Variants in ZFYVE28 observed in about 807,000 individuals in gnomAD.
ZFYVE28 encodes lateral signaling target protein 2 homolog.
ZFYVE28 carries 40 observed loss-of-function variants against 82.1 expected under a neutral mutation model. The ratio of observed to expected loss-of-function variants is 0.49; its 90% CI spans 0.38 to 0.63. The LOEUF (loss-of-function observed/expected upper bound fraction) is 0.63, where lower values mean the gene tolerates loss of function less well. ZFYVE28 is among the 30% of genes least tolerant of loss of function. ZFYVE28 has a pLI of 0.00. For missense variants in ZFYVE28, 1,321 were observed against 1,242.1 expected (o/e 1.06, Z -0.96); for synonymous variants, 612 against 546.1 (o/e 1.12, Z -1.68).
intron 1 of ZFYVE28, among the ~76,000 whole-genome samples, chr4:2,369,272 C>T (rs113933926): frequency 5.8e-4 from 89 of 152,326 alleles, no homozygotes; most frequent in African/African-American, 1.9e-3. Context: ...CAGGCTGTTC[C>T]ATCTGGTGAG....
chr4:2,415,463 C>T (rs1560365891), intron 1 of ZFYVE28, among the ~76,000 whole-genome samples: 1 of 151,804 alleles, frequency 6.6e-6, no homozygotes, highest in Non-Finnish European at 1.5e-5. Context: ...CACACACACA[C>T]ACACACACAC....
Position 2,335,915 on chromosome 4 carries a change from T to C in ZFYVE28, c.612-121A>G, listed in dbSNP as rs1721616498. On this transcript the variant is annotated intron_variant, in intron 5 of 12. Transcript: ENST00000290974. This position sits in a 1 kb window ranked among gnomAD's most constrained non-coding sequence, Gnocchi z 5.8. ...CCTGCAGCCACGCGTGGTGGCCACG[T>C]CAAGAGGTGACACATGCCACCCCCA... 3.9e-6 allele frequency: 3 copies of C among 770,548 alleles called. No individual in the cohort carries two copies. Among genetic ancestry groups the C allele is most frequent in the Non-Finnish European group, 6.6e-6 (3 of 457,568 alleles). 47.7% of individuals were successfully genotyped at this position (770,548 alleles called of 1,614,324 possible).
In ZFYVE28 at chr4:2,339,412, C is replaced by G. The variant is rs759985841; in HGVS notation, c.521+41G>C. ...CCCGGAAGCTGGCACAACCGTCCCC[C>G]AGCTCATACAGCCAGGGCTGTGGAC... is the stretch of plus-strand genomic sequence containing the variant. On this transcript the variant is annotated intron_variant, in intron 4 of 12. Coordinates refer to ENST00000290974, the MANE Select transcript of ZFYVE28 (RefSeq NM_020972.3). This position sits in a 1 kb window ranked among gnomAD's most constrained non-coding sequence, Gnocchi z 5.0. The G allele has an allele frequency of 1.1e-5, 17 of 1,595,300 alleles. No individual in the cohort carries two copies. The African/African-American group carries it at 1.7e-4, about 16-fold the overall frequency.
rs572886988 is a variant in ZFYVE28 at position 2,372,275 on chromosome 4, G to C, written c.40-18202C>G. On this transcript the variant is annotated intron_variant, in intron 1 of 12. Coordinates refer to ENST00000290974, the MANE Select transcript of ZFYVE28 (RefSeq NM_020972.3). This position sits in a 1 kb window ranked among gnomAD's most constrained non-coding sequence, Gnocchi z 5.2. ...GAGTCTGGTTCCGAGAAGGACTCGT[G>C]AGGGGGTAGGAATGGTCCCACCACC... Among the ~76,000 whole-genome samples, 141 of 152,264 alleles carry C rather than the reference G, an allele frequency of 9.3e-4. 1 individual carries two copies. The highest frequency in any genetic ancestry group is 9.1e-3 in the Admixed American group (140 of 15,306).
intron 1 of ZFYVE28, chr4:2,406,787 T>C (rs1731971437): frequency 6.6e-6 from 1 of 152,278 alleles, no homozygotes; most frequent in East Asian, 1.9e-4. Flanking sequence ...TTTTGCTTTT[T>C]GTTTGTTGTG....
At chr4:2,358,202 G>A (rs148647810) in intron 1 of ZFYVE28, among the ~76,000 whole-genome samples, 9 of 152,316 alleles carry the variant, frequency 5.9e-5, no homozygotes, top group East Asian at 3.9e-4. Context: ...GGCTGTGTGC[G>A]TGTGAATCTG....
At chr4:2,393,402 CTA>C (rs934418103) in intron 1 of ZFYVE28, among the ~76,000 whole-genome samples, 28 of 152,186 alleles carry the variant, frequency 1.8e-4, no homozygotes, top group Non-Finnish European at 3.1e-4. Context: ...TAATTCCCAA[CTA>C]TGCAAAAAAG....
At chr4:2,293,771 A>AAAAC (rs1714116549) in intron 8 of ZFYVE28, among the ~76,000 whole-genome samples, 1 of 149,858 alleles carries the variant, frequency 6.7e-6, no homozygotes, top group Non-Finnish European at 1.5e-5. Context: ...AAAAAAAAAA[A>AAAAC]TCTTCTAGAA....
At chr4:2,318,542 G>A (rs2108836029) in intron 7 of ZFYVE28, among the ~76,000 whole-genome samples, 1 of 152,374 alleles carries the variant, frequency 6.6e-6, no homozygotes, top group African/African-American at 2.4e-5. Flanking sequence ...TAACGGATAA[G>A]TCCTCAAACC....
At chr4:2,391,455 C>CTTTTTTTTTTTTTTTTTTTTT (rs140103966) in intron 1 of ZFYVE28, among the ~76,000 whole-genome samples, 1 of 117,224 alleles carries the variant, frequency 8.5e-6, no homozygotes. Flanking sequence ...GGTCAATTAT[C>CTTTTTTTTTTTTTTTTTTTTT]TTTTTTTTTT....
Position 2,341,627 on chromosome 4 carries a change from G to A in ZFYVE28, c.181-12C>T. On this transcript the variant is annotated splice_polypyrimidine_tract_variant and intron_variant, in intron 2 of 12. Transcript: ENST00000290974. The surrounding 1 kb of genome is among the most constrained non-coding windows in gnomAD (Gnocchi z 4.5). The stretch of plus-strand genomic sequence containing the variant: ...TTCAACACATTGTCCTGAAACAGAA[G>A]ACAGGAGAAAGTGCGCCAATCGCTG... 1 of 1,598,052 alleles carries A rather than the reference G, an allele frequency of 6.3e-7. No individual in the cohort carries two copies. Among genetic ancestry groups the A allele is most frequent in the Non-Finnish European group, 8.6e-7 (1 of 1,166,852 alleles).
chr4:2,305,229 G>C lies in ZFYVE28; in HGVS notation c.1111C>G (p.His371Asp). The C allele has an allele frequency of 6.2e-7, 1 of 1,610,778 alleles. No individual in the cohort carries two copies. Residue 371 changes from histidine to aspartate, a missense_variant, in exon 8 of 13, where the codon CAC (histidine) becomes GAC (aspartate). Coordinates refer to ENST00000290974, the MANE Select transcript of ZFYVE28 (RefSeq NM_020972.3). ...SPPIACQSPA[H>D]RPGAEGSPGG... ...GGGCTGCCCTCCGCTCCTGGCCTGT[G>C]AGCTGGGGACTGGCAGGCAATGGGC...
chr4:2,306,839 C>T (rs533828597), intron 7 of ZFYVE28: 3 of 152,314 alleles, frequency 2.0e-5, no homozygotes, highest in Admixed American at 6.5e-5. Flanking sequence ...GTGGCTGCAC[C>T]GTCTTCCATG....
At position 2,339,597 on chromosome 4, in the gene ZFYVE28, G is replaced by T. The variant is rs755657560; in HGVS notation, c.377C>A (p.Pro126Gln). 6.2e-7 allele frequency: 1 copy of T among 1,611,706 alleles called. No homozygotes were observed. The highest frequency in any genetic ancestry group is 8.5e-7 in the Non-Finnish European group (1 of 1,179,280). Residue 126 changes from proline (P) to glutamine (Q), a missense_variant, in exon 4 of 13, where the codon CCG becomes CAG. This residue lies in a region of ZFYVE28 where 343 missense variants were observed against 408.4 expected (regional missense o/e 0.84). Coordinates refer to ENST00000290974, the MANE Select transcript of ZFYVE28 (RefSeq NM_020972.3). The surrounding 1 kb of genome is among the most constrained non-coding windows in gnomAD (Gnocchi z 5.0). ...NRELESMAMR[P>Q]LAKELTRSLE... ...GCTGCGCGTCAGCTCCTTGGCCAGC[G>T]GGCGCATGGCCATGCTCTCCAGCTC...
intron 8 of ZFYVE28, among the ~76,000 whole-genome samples, chr4:2,302,257 A>C (rs544041775): frequency 7.0e-4 from 106 of 152,352 alleles, no homozygotes; most frequent in African/African-American, 2.5e-3. Flanking sequence ...GCAGGGGAGA[A>C]AAAGGTTCCT....
At chr4:2,292,998 CATT>C (rs1475535643) in intron 8 of ZFYVE28, among the ~76,000 whole-genome samples, 10 of 152,092 alleles carry the variant, frequency 6.6e-5, no homozygotes, top group African/African-American at 2.4e-4. Context: ...GAACATCAAT[CATT>C]GTGACTTATT....
chr4:2,384,057 G>A (rs1483863724), intron 1 of ZFYVE28, among the ~76,000 whole-genome samples: 1 of 152,188 alleles, frequency 6.6e-6, no homozygotes, highest in Non-Finnish European at 1.5e-5. Flanking sequence ...CAAGAGGGTA[G>A]GGCACATGTC....
intron 1 of ZFYVE28, among the ~76,000 whole-genome samples, chr4:2,399,737 C>T (rs1218346049): frequency 6.6e-6 from 1 of 152,260 alleles, no homozygotes; most frequent in Non-Finnish European, 1.5e-5. Context: ...AAGTGCAGAG[C>T]AGAGCGGAAG....
intron 1 of ZFYVE28, among the ~76,000 whole-genome samples, chr4:2,405,174 G>A (rs988630599): frequency 1.3e-5 from 2 of 152,222 alleles, no homozygotes; most frequent in Non-Finnish European, 1.5e-5. Flanking sequence ...CCAGAGAGTG[G>A]CCCGGACAAA....
Sources: gnomAD v4.1 joint callset for allele counts (sites outside exome capture counted in the v4.1 genomes callset) on GRCh38, gnomAD v4.1.1 for gene constraint, gnomAD v4.1.1 regional missense constraint, Gnocchi (gnomAD v3.1) non-coding constraint, MANE v1.5 for transcripts, NCBI Gene and HGNC (gene_info 2026-07-23, HGNC 2026-07-21) for gene names.